The following PRKCH variants were observed in gnomAD, a reference collection of about 807,000 sequenced individuals.
The protein encoded by PRKCH is protein kinase C eta type.
PRKCH carries 28 observed loss-of-function variants against 82.5 expected under a neutral mutation model. The observed-to-expected ratio is 0.34, with a 90% CI of 0.25 to 0.47. The LOEUF is 0.47. Among genes scored for constraint, PRKCH ranks in the 20% least tolerant of loss-of-function variants. PRKCH has a pLI of 1.00. For missense variants in PRKCH, 705 were observed against 881.8 expected, an observed-to-expected ratio of 0.80 and a Z score of 2.54; for synonymous variants, 322 against 327.4, an observed-to-expected ratio of 0.98 and a Z score of 0.18.
intron 1 of PRKCH, among the ~76,000 whole-genome samples, chr14:61,271,509 AAAAG>A (rs2045153920): frequency 6.6e-6 from 1 of 152,226 alleles, no homozygotes; most frequent in Non-Finnish European, 1.5e-5. Flanking sequence ...CATAAAAACT[AAAAG>A]AAAATTAGAG....
Position 61,453,173 on chromosome 14 carries a change from A to AATTTTAT in PRKCH, c.833-53_833-52insATTTTAT. Reference sequence around the variant, plus strand: ...CTATTAAAGTTCTCTGTTGCAGCACATGTTGAATTGGTTCCTTTCTGAACA... The same window carrying AATTTTAT: ...CTATTAAAGTTCTCTGTTGCAGCACAATTTTATTGTTGAATTGGTTCCTTTCTGAACA... On this transcript the variant is annotated intron_variant, in intron 6 of 13. Transcript: ENST00000332981. The AATTTTAT allele has an allele frequency of 1.9e-6, 3 of 1,606,914 alleles. No individual in the cohort carries two copies. In the South Asian group the frequency reaches 3.3e-5, roughly 18 times the overall value.
At chr14:61,209,111 G>A (rs2044549335) in intron 1 of PRKCH, among the ~76,000 whole-genome samples, 1 of 152,022 alleles carries the variant, frequency 6.6e-6, no homozygotes, top group Admixed American at 6.5e-5. Flanking sequence ...CCCTCCTCTT[G>A]CTCTCTCATG....
chr14:61,286,460 G>A (rs1271260815), intron 1 of PRKCH, among the ~76,000 whole-genome samples: 1 of 152,188 alleles, frequency 6.6e-6, no homozygotes, highest in East Asian at 1.9e-4. Context: ...ACGGTGTGTT[G>A]GTTCTTTGTC....
chr14:61,513,881 T>C (rs1278057556), intron 10 of PRKCH, among the ~76,000 whole-genome samples: 1 of 152,074 alleles, frequency 6.6e-6, no homozygotes, highest in Non-Finnish European at 1.5e-5. Context: ...GATATAGTGA[T>C]TGACTGATGT....
At chr14:61,367,957 G>T (rs57451568) in intron 1 of PRKCH, among the ~76,000 whole-genome samples, 3 of 151,648 alleles carry the variant, frequency 2.0e-5, no homozygotes, top group East Asian at 1.9e-4. Context: ...CTCGTGATCC[G>T]CCTGCCTTAG....
At chr14:61,431,368 C>T (rs557806973) in intron 2 of PRKCH, among the ~76,000 whole-genome samples, 2 of 152,300 alleles carry the variant, frequency 1.3e-5, no homozygotes, top group African/African-American at 2.4e-5. Context: ...ACAGGGTCCT[C>T]GGATCTCTCA....
At chr14:61,528,501 C>T (rs2042999762) in intron 10 of PRKCH, among the ~76,000 whole-genome samples, 1 of 152,210 alleles carries the variant, frequency 6.6e-6, no homozygotes, top group Non-Finnish European at 1.5e-5. Flanking sequence ...TTCTTAAGTA[C>T]ATTATGCCAG....
intron 1 of PRKCH, among the ~76,000 whole-genome samples, chr14:61,289,747 A>G (rs2045344643): frequency 6.6e-6 from 1 of 152,172 alleles, no homozygotes; most frequent in Non-Finnish European, 1.5e-5. Context: ...ACACAATAGA[A>G]CAACATGCAA....
chr14:61,266,606 C>T (rs2045103773), intron 1 of PRKCH, among the ~76,000 whole-genome samples: 1 of 152,140 alleles, frequency 6.6e-6, no homozygotes, highest in South Asian at 2.1e-4. Context: ...GAATCAGTGG[C>T]TTGACTCAGC....
At chr14:61,326,684 A>C (rs944906893) in intron 1 of PRKCH, among the ~76,000 whole-genome samples, 1 of 152,252 alleles carries the variant, frequency 6.6e-6, no homozygotes, top group Non-Finnish European at 1.5e-5. Flanking sequence ...ACAGAATTTC[A>C]GCTGAGCCAA....
chr14:61,322,070 C>T lies in PRKCH; in HGVS notation c.-32C>T. 1.3e-6 allele frequency: 2 copies of T among 1,507,614 alleles called. No homozygotes were observed. The highest frequency in any genetic ancestry group is 2.5e-5 in the South Asian group (2 of 79,186). 93.4% of individuals were successfully genotyped at this position (1,507,614 alleles called of 1,614,324 possible). On this transcript the variant is annotated 5_prime_UTR_variant, in exon 1 of 14. Coordinates refer to ENST00000332981, the MANE Select transcript of PRKCH (RefSeq NM_006255.5). ...CCGGTTCTCCCGCTGCGAAGCAGCG[C>T]GGCCCCCCGGGGCCGGGGCAGCGGC...
chr14:61,443,159 A>G lies in PRKCH; in HGVS notation c.476A>G (p.Gln159Arg). ...TTCAAACATTTTACCAGGAAGCGCC[A>G]AAGGGCTATGCGAAGGCGAGTCCAC... ...RIFKHFTRKRQRAMRRRVHQI... is the reference protein window; with the variant it reads ...RIFKHFTRKRRRAMRRRVHQI... The change falls in exon 3 of 14, where the codon CAA becomes CGA. Residue 159 changes from glutamine to arginine, a missense_variant. Coordinates refer to ENST00000332981, the MANE Select transcript of PRKCH (RefSeq NM_006255.5). The G allele has an allele frequency of 6.2e-7, 1 of 1,614,068 alleles. No homozygotes were observed. The highest frequency in any genetic ancestry group is 1.3e-5 in the African/African-American group (1 of 75,048).
At chr14:61,387,236 A>C (rs1221546780) in intron 1 of PRKCH, among the ~76,000 whole-genome samples, 3 of 152,222 alleles carry the variant, frequency 2.0e-5, no homozygotes, top group African/African-American at 4.8e-5. Flanking sequence ...TTGTAATTAC[A>C]CTGATAGCCA....
chr14:61,379,912 A>C (rs2046477411), intron 1 of PRKCH, among the ~76,000 whole-genome samples: 4 of 152,158 alleles, frequency 2.6e-5, no homozygotes, highest in Admixed American at 6.5e-5. Flanking sequence ...GTGTTCTTTC[A>C]TGTAGGGGAC....
intron 2 of PRKCH, among the ~76,000 whole-genome samples, chr14:61,433,953 AT>A (rs1380117130): frequency 6.6e-6 from 1 of 152,244 alleles, no homozygotes; most frequent in Non-Finnish European, 1.5e-5. Flanking sequence ...TTCCATAGTG[AT>A]CATCATATTG....
At chr14:61,279,886 C>G (rs2045240013) in intron 1 of PRKCH, 3 of 581,404 alleles carry the variant, frequency 5.2e-6, no homozygotes, top group African/African-American at 3.7e-5. Context: ...GGATGTTTCA[C>G]TCTGCAGTCA....
At chr14:61,405,186 G>T (rs1226957837) in intron 2 of PRKCH, among the ~76,000 whole-genome samples, 1 of 152,178 alleles carries the variant, frequency 6.6e-6, no homozygotes, top group Non-Finnish European at 1.5e-5. Context: ...CAAATTAGGA[G>T]CCAATCCCCA....
At chr14:61,253,028 G>A (rs2044960374) in intron 1 of PRKCH, among the ~76,000 whole-genome samples, 1 of 152,172 alleles carries the variant, frequency 6.6e-6, no homozygotes, top group Middle Eastern at 3.2e-3. Flanking sequence ...ACAAGAAACA[G>A]TTTTTACAGT....
chr14:61,547,823 T>C lies in PRKCH; in HGVS notation c.1842T>C (p.Phe614=), dbSNP rs1276700384. 2 of 1,614,172 alleles carry C rather than the reference T, an allele frequency of 1.2e-6. No homozygotes were observed. Among genetic ancestry groups the C allele is most frequent in the South Asian group, 1.1e-5 (1 of 91,078 alleles). The change falls in exon 13 of 14, where the codon TTT becomes TTC. Residue 614 remains phenylalanine (F), a synonymous_variant. Coordinates refer to ENST00000332981, the MANE Select transcript of PRKCH (RefSeq NM_006255.5). ...GEHAILRHPF[F]KEIDWAQLNH... ...ACGCCATCTTGAGACATCCTTTTTT[T>C]AAGGAAATCGACTGGGCCCAGCTGA...
Sources: allele counts gnomAD v4.1 joint callset (sites outside exome capture counted in the v4.1 genomes callset), GRCh38; gene constraint gnomAD v4.1.1; transcripts MANE v1.5; gene names NCBI Gene and HGNC (gene_info 2026-07-23, HGNC 2026-07-21).